The following CNTNAP3B variants were observed in gnomAD, a reference collection of about 807,000 sequenced individuals.
CNTNAP3B encodes contactin associated protein family member 3B, also known as contactin-associated protein-like 3B.
In CNTNAP3B, 25 loss-of-function variants were observed where a neutral mutation model predicts 108.9. That is an observed-to-expected ratio of 0.23 (90% CI 0.17 to 0.32). The LOEUF (loss-of-function observed/expected upper bound fraction) is 0.32, where lower values mean the gene tolerates loss of function less well. Among genes scored for constraint, CNTNAP3B ranks in the 10% least tolerant of loss-of-function variants. The pLI is 1.00. For missense variants in CNTNAP3B, 252 were observed against 1,210.4 expected, an observed-to-expected ratio of 0.21 and a Z score of 11.75; for synonymous variants, 103 against 473.4, an observed-to-expected ratio of 0.22 and a Z score of 10.16.
At chr9:41,933,716 G>T (rs1185414112) in intron 14 of CNTNAP3B, among the ~76,000 whole-genome samples, 1 of 152,228 alleles carries the variant, frequency 6.6e-6, no homozygotes, top group East Asian at 1.9e-4. Context: ...TACAATATCT[G>T]CCAGGTTTGT....
chr9:42,126,968 T>C (rs1366200702), intron 1 of CNTNAP3B, among the ~76,000 whole-genome samples: 1 of 138,804 alleles, frequency 7.2e-6, no homozygotes, highest in Non-Finnish European at 1.5e-5. Context: ...GTGAATAACG[T>C]GAGCAACTCA....
chr9:42,002,224 G>GA, intron 4 of CNTNAP3B, among the ~76,000 whole-genome samples: 1 of 41,222 alleles, frequency 2.4e-5, no homozygotes, highest in Admixed American at 2.9e-4. Flanking sequence ...TTTCCACCAG[G>GA]AAAAAGAGAT....
At position 42,087,357 on chromosome 9, in the gene CNTNAP3B, C is replaced by A. The variant is rs547247819; in HGVS notation, c.197-10295G>T. The stretch of plus-strand genomic sequence containing the variant: ...AAGGCCTAAAAGCTCTTTTATGGAC[C>A]CTTTTTTCATGGTTGTTTATGCAGC... On this transcript the variant is annotated intron_variant, in intron 2 of 23. Coordinates refer to ENST00000377561, the MANE Select transcript of CNTNAP3B (RefSeq NM_001201380.3). Among the ~76,000 whole-genome samples, 9 of 132,406 alleles carry A rather than the reference C, an allele frequency of 6.8e-5. 2 individuals are homozygous for A. The highest frequency in any genetic ancestry group is 1.3e-4 in the Non-Finnish European group (8 of 61,716). The allele number at this position is 132,406 out of a possible 152,430, so 86.9% of individuals were successfully genotyped here.
intron 15 of CNTNAP3B, among the ~76,000 whole-genome samples, chr9:41,927,317 G>A (rs1823848023): frequency 6.8e-6 from 1 of 145,996 alleles, no homozygotes; most frequent in South Asian, 2.2e-4. Flanking sequence ...AGACAGACCT[G>A]TAGTGTAGAC....
chr9:41,937,376 C>T (rs1475600313), intron 14 of CNTNAP3B, among the ~76,000 whole-genome samples: 8 of 151,830 alleles, frequency 5.3e-5, no homozygotes, highest in Admixed American at 1.3e-4. Context: ...ATCCACCTGC[C>T]TTGGCCTCCC....
At position 42,011,799 on chromosome 9, in the gene CNTNAP3B, C is replaced by T. The variant is rs1826136214; in HGVS notation, c.538+1579G>A. Among the ~76,000 whole-genome samples the T allele has an allele frequency of 2.1e-5, 2 of 93,400 alleles. 1 individual carries two copies. Among genetic ancestry groups the T allele is most frequent in the African/African-American group, 8.1e-5 (2 of 24,682 alleles). The allele number at this position is 93,400 out of a possible 152,430, so 61.3% of individuals were successfully genotyped here. A position where few individuals can be genotyped will look rare whatever the true frequency, so the allele number is the denominator to read the frequency against. The stretch of plus-strand genomic sequence containing the variant: ...TAAAGGGTTGTATTACTGTCAACAA[C>T]AAAAATAAAATCACCATACTTGAAC... On this transcript the variant is annotated intron_variant, in intron 4 of 23. Coordinates refer to ENST00000377561, the MANE Select transcript of CNTNAP3B (RefSeq NM_001201380.3).
intron 11 of CNTNAP3B, among the ~76,000 whole-genome samples, 198 bp downstream of exon 11, chr9:41,964,340 G>A (rs574394086): frequency 2.8e-4 from 43 of 152,248 alleles, no homozygotes; most frequent in African/African-American, 7.0e-4. Context: ...AATCCTATGC[G>A]TACCACGTAT....
At chr9:41,963,336 C>T (rs1189152552) in intron 11 of CNTNAP3B, among the ~76,000 whole-genome samples, 13 of 152,066 alleles carry the variant, frequency 8.5e-5, no homozygotes, top group African/African-American at 1.9e-4. Flanking sequence ...TGCTCAGAAA[C>T]GTCAGTAGAG....
chr9:41,939,679 G>A (rs1406067259), intron 13 of CNTNAP3B, among the ~76,000 whole-genome samples: 40 of 152,334 alleles, frequency 2.6e-4, no homozygotes, highest in East Asian at 9.6e-4. Context: ...TTAAACTGTC[G>A]CAGATTAAAG....
At chr9:42,028,805 GA>G (rs55930965) in intron 3 of CNTNAP3B, among the ~76,000 whole-genome samples, 74 of 148,934 alleles carry the variant, frequency 5.0e-4, no homozygotes, top group East Asian at 5.9e-4. Flanking sequence ...TTTGCATTCA[GA>G]AAAAAAATTG....
intron 12 of CNTNAP3B, among the ~76,000 whole-genome samples, chr9:41,956,461 TC>T (rs1420794829): frequency 1.4e-4 from 22 of 152,368 alleles, no homozygotes; most frequent in Middle Eastern, 3.4e-3. Context: ...CATAGGGAAG[TC>T]GCAATATTGT....
intron 12 of CNTNAP3B, among the ~76,000 whole-genome samples, chr9:41,958,662 G>A (rs1824955132): frequency 6.6e-6 from 1 of 151,812 alleles, no homozygotes; most frequent in Admixed American, 6.6e-5. Flanking sequence ...ATGGCCAGAG[G>A]TGGGTAATTT....
rs1249558699 is a variant in CNTNAP3B at position 41,979,650 on chromosome 9, ATT to A, written c.1477+6516_1477+6517del. On this transcript the variant is annotated intron_variant, in intron 9 of 23. Coordinates refer to ENST00000377561, the MANE Select transcript of CNTNAP3B (RefSeq NM_001201380.3). ...TTGGTCATATATATATTTAAAAAAT[ATT>A]TTATATATATATATATTTTTTTTTT... 1.8e-4 allele frequency: 2 copies of A among 11,290 alleles called. 1 individual carries two copies. Among genetic ancestry groups the A allele is most frequent in the African/African-American group, 4.9e-4 (2 of 4,066 alleles). 0.7% of individuals were successfully genotyped at this position (11,290 alleles called of 1,614,324 possible). A position where few individuals can be genotyped will look rare whatever the true frequency, so the allele number is the denominator to read the frequency against.
chr9:41,964,291 T>A (rs1157638249), intron 11 of CNTNAP3B, among the ~76,000 whole-genome samples: 1 of 152,136 alleles, frequency 6.6e-6, no homozygotes, highest in South Asian at 2.1e-4. Context: ...CTGATTCTCC[T>A]AGACTTATTT....
intron 3 of CNTNAP3B, among the ~76,000 whole-genome samples, chr9:42,024,567 T>G: frequency 9.5e-6 from 1 of 105,472 alleles, no homozygotes; most frequent in African/African-American, 3.8e-5. Flanking sequence ...CAGAATAATT[T>G]CAGAGCAGCA....
chr9:42,059,986 T>G (rs1268305117), intron 3 of CNTNAP3B, among the ~76,000 whole-genome samples: 1 of 151,098 alleles, frequency 6.6e-6, no homozygotes, highest in African/African-American at 2.5e-5. Flanking sequence ...CAATTTAAAT[T>G]CTGTTTTCTT....
chr9:42,003,192 T>C (rs1422470851), intron 4 of CNTNAP3B, among the ~76,000 whole-genome samples: 2 of 137,864 alleles, frequency 1.5e-5, no homozygotes, highest in Non-Finnish European at 3.1e-5. Flanking sequence ...CCTGGCCTAC[T>C]TTCACATTTT....
intron 2 of CNTNAP3B, among the ~76,000 whole-genome samples, chr9:42,087,290 G>T (rs1827723243): frequency 7.3e-6 from 1 of 136,748 alleles, no homozygotes; most frequent in African/African-American, 2.8e-5. Context: ...ACTTTAAGCA[G>T]CTTGCACTCC....
chr9:41,946,029 A>G (rs1461172188), intron 13 of CNTNAP3B, among the ~76,000 whole-genome samples: 5 of 152,226 alleles, frequency 3.3e-5, no homozygotes, highest in Non-Finnish European at 7.3e-5. Flanking sequence ...CAATATAACA[A>G]GAAGATATAA....
Sources: allele counts gnomAD v4.1 joint callset (sites outside exome capture counted in the v4.1 genomes callset), GRCh38; gene constraint gnomAD v4.1.1; transcripts MANE v1.5; gene names NCBI Gene and HGNC (gene_info 2026-07-23, HGNC 2026-07-21).